CAST: variants seen among roughly 807,000 people sequenced by gnomAD.
The protein encoded by CAST is MIR583 host.
Under a neutral mutation model 119.6 loss-of-function variants are expected in CAST, and 76 were observed. The observed-to-expected ratio is 0.64, with a 90% CI of 0.53 to 0.77. The LOEUF is 0.77. Among genes scored for constraint, CAST ranks in the 30% least tolerant of loss-of-function variants. CAST has a pLI of 0.00. For synonymous variants in CAST, 319 were observed against 331.6 expected (o/e 0.96, Z 0.41); for missense variants, 953 against 946.5 (o/e 1.01, Z -0.09).
the CAST span, among the ~76,000 whole-genome samples, chr5:96,050,664 T>C: frequency 6.6e-6 from 1 of 152,190 alleles, no homozygotes; most frequent in East Asian, 1.9e-4. Context: ...GAGCAGCTGC[T>C]CAGAAGTGAG....
At chr5:96,590,033 T>G (rs1290154064) in intron 1 of CAST, among the ~76,000 whole-genome samples, 1 of 152,234 alleles carries the variant, frequency 6.6e-6, no homozygotes, top group Non-Finnish European at 1.5e-5. Context: ...ACTTACAATT[T>G]GAAACAGGCT....
At chr5:96,487,142 A>T in the CAST span, among the ~76,000 whole-genome samples, 1 of 152,042 alleles carries the variant, frequency 6.6e-6, no homozygotes, top group East Asian at 1.9e-4. Context: ...ACATCCTGTA[A>T]TATGTGGGGC....
chr5:96,434,535 G>A, the CAST span, among the ~76,000 whole-genome samples: 1 of 152,182 alleles, frequency 6.6e-6, no homozygotes, highest in African/African-American at 2.4e-5. Context: ...TCTTGGGAAC[G>A]TGTTGGACTC....
At chr5:96,694,498 G>T (rs1040187544) in intron 2 of CAST, among the ~76,000 whole-genome samples, 3 of 152,208 alleles carry the variant, frequency 2.0e-5, no homozygotes, top group Non-Finnish European at 4.4e-5. Context: ...GGGCGTGGTG[G>T]CATGTGCCTG....
At chr5:95,985,862 T>C in the CAST span, among the ~76,000 whole-genome samples, 1 of 152,202 alleles carries the variant, frequency 6.6e-6, no homozygotes, top group Admixed American at 6.5e-5. Context: ...GGCTTGAAAT[T>C]CAAATCTGGA....
chr5:96,730,694 T>C (rs1760274205), intron 8 of CAST, 86 bp from the exon 9 acceptor site: 3 of 957,712 alleles, frequency 3.1e-6, no homozygotes, highest in Non-Finnish European at 3.4e-6. Flanking sequence ...AACTGGCAGA[T>C]GTTAGTGACA....
rs546239883 is a variant in CAST at position 96,580,620 on chromosome 5, C to T, written c.60+50740C>T. 5.9e-5 allele frequency among the ~76,000 whole-genome samples: 9 copies of T among 152,026 alleles called. No homozygotes were observed. In the South Asian group the frequency reaches 1.9e-3, roughly 32 times the overall value. On this transcript the variant is annotated intron_variant, in intron 1 of 11. Coordinates refer to the CAST transcript ENST00000505143. ...ATTCTGCAGTCTAATAAGCTTCGGG[C>T]GATGTTGGTTATGTTGGTCAATGGA...
At chr5:96,129,602 A>G in the CAST span, among the ~76,000 whole-genome samples, 1 of 152,172 alleles carries the variant, frequency 6.6e-6, no homozygotes, top group African/African-American at 2.4e-5. Flanking sequence ...CACTTTTGAC[A>G]TAAGAGTGAT....
the CAST span, among the ~76,000 whole-genome samples, chr5:96,130,804 T>G: frequency 1.3e-5 from 2 of 152,166 alleles, no homozygotes; most frequent in African/African-American, 4.8e-5. Flanking sequence ...ATACTGACCT[T>G]ATCTAATAAA....
chr5:96,450,804 C>A, the CAST span, among the ~76,000 whole-genome samples: 2 of 152,274 alleles, frequency 1.3e-5, no homozygotes, highest in South Asian at 4.1e-4. Context: ...TGAAATTTCA[C>A]AATGATGAGC....
chr5:95,977,572 T>G, the CAST span, among the ~76,000 whole-genome samples: 1 of 152,214 alleles, frequency 6.6e-6, no homozygotes, highest in Non-Finnish European at 1.5e-5. Flanking sequence ...ATGTTAACAG[T>G]TACAATTAGT....
chr5:95,999,715 T>G, the CAST span, among the ~76,000 whole-genome samples: 3 of 152,332 alleles, frequency 2.0e-5, no homozygotes, highest in African/African-American at 7.2e-5. Flanking sequence ...CTATGAACAT[T>G]CTTATGATAG....
At chr5:95,972,190 C>T in the CAST span, among the ~76,000 whole-genome samples, 2 of 152,084 alleles carry the variant, frequency 1.3e-5, no homozygotes, top group East Asian at 1.9e-4. Context: ...CTCAAACAGC[C>T]TCCCAAAGTG....
chr5:96,317,830 T>C, the CAST span, among the ~76,000 whole-genome samples: 1 of 152,250 alleles, frequency 6.6e-6, no homozygotes, highest in Non-Finnish European at 1.5e-5. Flanking sequence ...AAACCAAACA[T>C]ATAAAGGTTT....
intron 1 of CAST, among the ~76,000 whole-genome samples, chr5:96,590,761 A>G (rs1304306993): frequency 1.3e-5 from 2 of 152,178 alleles, no homozygotes; most frequent in Admixed American, 1.3e-4. Flanking sequence ...TTAAATAAGT[A>G]AGATCTGCAC....
At chr5:96,343,957 G>A in the CAST span, among the ~76,000 whole-genome samples, 5 of 152,126 alleles carry the variant, frequency 3.3e-5, no homozygotes, top group African/African-American at 4.8e-5. Context: ...TTTATTCATC[G>A]TAGGGTCTAG....
the CAST span, among the ~76,000 whole-genome samples, chr5:96,419,941 A>G: frequency 2.0e-5 from 3 of 152,054 alleles, no homozygotes; most frequent in Non-Finnish European, 4.4e-5. Context: ...CCATCGTACA[A>G]GTTATCACCC....
At chr5:96,013,008 T>C in the CAST span, among the ~76,000 whole-genome samples, 1 of 152,156 alleles carries the variant, frequency 6.6e-6, no homozygotes, top group South Asian at 2.1e-4. Flanking sequence ...CTAACTTGGA[T>C]CAGCTGAGTT....
At chr5:96,405,222 G>A in the CAST span, among the ~76,000 whole-genome samples, 1 of 152,164 alleles carries the variant, frequency 6.6e-6, no homozygotes, top group Non-Finnish European at 1.5e-5. Context: ...GAGTCAAAAT[G>A]AAGGGAATTA....
Sources: allele counts gnomAD v4.1 joint callset (sites outside exome capture counted in the v4.1 genomes callset), GRCh38; gene constraint gnomAD v4.1.1; transcripts MANE v1.5; gene names NCBI Gene and HGNC (gene_info 2026-07-23, HGNC 2026-07-21).